Variants in MOB3B observed in about 807,000 individuals in gnomAD.
MOB3B encodes MOB kinase activator 3B.
Under a neutral mutation model 18.7 loss-of-function variants are expected in MOB3B, and 7 were observed. That is an observed-to-expected ratio of 0.37 (90% confidence interval 0.21 to 0.70). MOB3B has a LOEUF of 0.70. MOB3B is among the 30% of genes least tolerant of loss of function. The probability of loss-of-function intolerance (pLI) is 0.52; values close to 1 mark genes in which losing one functional copy is unlikely to be tolerated. For missense variants in MOB3B, 253 were observed against 281.3 expected (o/e 0.90, Z 0.72); for synonymous variants, 111 against 99.9 (o/e 1.11, Z -0.66).
intron 1 of MOB3B, among the ~76,000 whole-genome samples, chr9:27,471,524 T>G (rs1295693598): frequency 6.6e-6 from 1 of 152,122 alleles, no homozygotes. Flanking sequence ...CGATTTTGAC[T>G]CCCAAATCTA....
At chr9:27,385,004 G>A (rs1110264) in intron 2 of MOB3B, among the ~76,000 whole-genome samples, 47,078 of 152,020 alleles carry the variant, frequency 0.31, 8,413 homozygotes, top group East Asian at 0.79. Context: ...ATGAACATTT[G>A]GGGACAACTA....
At chr9:27,433,138 T>C (rs1002561934) in intron 2 of MOB3B, among the ~76,000 whole-genome samples, 1 of 152,174 alleles carries the variant, frequency 6.6e-6, no homozygotes, top group Non-Finnish European at 1.5e-5. Context: ...ATATTTGATA[T>C]AAATTTAGTA....
At chr9:27,433,115 A>T (rs1316133395) in intron 2 of MOB3B, among the ~76,000 whole-genome samples, 1 of 152,070 alleles carries the variant, frequency 6.6e-6, no homozygotes, top group Non-Finnish European at 1.5e-5. Context: ...TTTTTATTCA[A>T]ATATGAAGAT....
At chr9:27,453,832 T>C (rs898166642) in intron 2 of MOB3B, among the ~76,000 whole-genome samples, 25 of 152,298 alleles carry the variant, frequency 1.6e-4, no homozygotes, top group African/African-American at 4.8e-4. Flanking sequence ...AAAAGTAGCC[T>C]ATGACAGTCA....
chr9:27,362,087 C>G (rs1165508340), intron 2 of MOB3B, among the ~76,000 whole-genome samples: 1 of 152,214 alleles, frequency 6.6e-6, no homozygotes, highest in Non-Finnish European at 1.5e-5. Flanking sequence ...TCTGTTCCCC[C>G]CATCTCTGCC....
At chr9:27,417,283 G>A (rs536880163) in intron 2 of MOB3B, among the ~76,000 whole-genome samples, 6 of 152,342 alleles carry the variant, frequency 3.9e-5, no homozygotes, top group Admixed American at 6.5e-5. Flanking sequence ...AGAATGGTGT[G>A]AACCTGGGAG....
rs539694787 is a variant in MOB3B, at chr9:27,509,639, A to G, written c.-199+19916T>C. On this transcript the variant is annotated intron_variant, in intron 1 of 3. Coordinates refer to ENST00000262244, the MANE Select transcript of MOB3B (RefSeq NM_024761.5). Reference sequence around the variant, plus strand: ...ACCATGTTGTCCAGGTTGGTCTCGAACTCCTGACCTCAAGTGCTCCACCTG... The same window carrying G: ...ACCATGTTGTCCAGGTTGGTCTCGAGCTCCTGACCTCAAGTGCTCCACCTG... Among the ~76,000 whole-genome samples the G allele has an allele frequency of 2.0e-5, 3 of 151,426 alleles. No individual in the cohort carries two copies. In the East Asian group the frequency reaches 5.8e-4, roughly 29 times the overall value.
At chr9:27,504,105 T>C (rs779276052) in intron 1 of MOB3B, among the ~76,000 whole-genome samples, 8 of 152,226 alleles carry the variant, frequency 5.3e-5, no homozygotes, top group Non-Finnish European at 8.8e-5. Flanking sequence ...AAAGTACAAA[T>C]AGTGCTTCAT....
intron 2 of MOB3B, among the ~76,000 whole-genome samples, chr9:27,416,891 G>A (rs1822158693): frequency 1.3e-5 from 2 of 152,054 alleles, no homozygotes; most frequent in Admixed American, 1.3e-4. Context: ...ACCACTCCAC[G>A]TCTGTAAATG....
At chr9:27,488,837 A>G (rs1474979232) in intron 1 of MOB3B, among the ~76,000 whole-genome samples, 1 of 152,228 alleles carries the variant, frequency 6.6e-6, no homozygotes, top group Non-Finnish European at 1.5e-5. Context: ...TGCAGCTTAC[A>G]TAACGTACAC....
At chr9:27,392,653 C>A (rs921411266) in intron 2 of MOB3B, among the ~76,000 whole-genome samples, 1 of 152,308 alleles carries the variant, frequency 6.6e-6, no homozygotes, top group East Asian at 1.9e-4. Flanking sequence ...GATGTCCTGT[C>A]CTATTCATTT....
chr9:27,359,530 G>C (rs2131356756), intron 2 of MOB3B, among the ~76,000 whole-genome samples: 1 of 152,276 alleles, frequency 6.6e-6, no homozygotes, highest in South Asian at 2.1e-4. Context: ...CAGAAATTTA[G>C]AGTTATACTT....
chr9:27,440,379 CT>C (rs11310943), intron 2 of MOB3B, among the ~76,000 whole-genome samples: 19,622 of 143,378 alleles, frequency 0.14, 1,344 homozygotes, highest in East Asian at 0.28. Context: ...ATGATTCCTT[CT>C]TTTTTTTTTT....
chr9:27,405,974 G>A (rs569202217), intron 2 of MOB3B, among the ~76,000 whole-genome samples: 16 of 152,134 alleles, frequency 1.1e-4, no homozygotes, highest in African/African-American at 3.4e-4. Context: ...GAATCATATC[G>A]AACTAGGAAA....
chr9:27,446,057 C>T (rs1193302004), intron 2 of MOB3B, among the ~76,000 whole-genome samples: 1 of 152,108 alleles, frequency 6.6e-6, no homozygotes, highest in Non-Finnish European at 1.5e-5. Flanking sequence ...TCTGTGACGA[C>T]GAATGTTTTA....
At position 27,511,336 on chromosome 9, in the gene MOB3B, G is replaced by A. The variant is rs547121336; in HGVS notation, c.-199+18219C>T. On this transcript the variant is annotated intron_variant, in intron 1 of 3. Transcript: ENST00000262244. Reference sequence around the variant, plus strand: ...TTCGGTGTGAACTTTGCCAGGTTATGTACTTTTTGCAGCCTTGGTTCTTCA... The same window carrying A: ...TTCGGTGTGAACTTTGCCAGGTTATATACTTTTTGCAGCCTTGGTTCTTCA... 3.9e-5 allele frequency among the ~76,000 whole-genome samples: 6 copies of A among 152,216 alleles called. No individual in the cohort carries two copies. The South Asian group carries it at 1.2e-3, about 32-fold the overall frequency.
At chr9:27,529,087 C>T (rs1820488533) in intron 1 of MOB3B, among the ~76,000 whole-genome samples, 1 of 152,208 alleles carries the variant, frequency 6.6e-6, no homozygotes. Context: ...CAAGCCGAGA[C>T]TCCTCCCTCA....
At chr9:27,392,209 T>C (rs892397338) in intron 2 of MOB3B, among the ~76,000 whole-genome samples, 2 of 152,204 alleles carry the variant, frequency 1.3e-5, no homozygotes, top group South Asian at 4.1e-4. Context: ...TTTAGAACCA[T>C]TTTTTGGTGG....
intron 3 of MOB3B, among the ~76,000 whole-genome samples, chr9:27,352,539 T>C (rs1005978107): frequency 1.3e-5 from 2 of 152,202 alleles, no homozygotes; most frequent in African/African-American, 4.8e-5. Context: ...GTCTGTCATA[T>C]GATGATGTGG....
Sources: allele counts gnomAD v4.1 joint callset (sites outside exome capture counted in the v4.1 genomes callset), GRCh38; gene constraint gnomAD v4.1.1; transcripts MANE v1.5; gene names NCBI Gene and HGNC (gene_info 2026-07-23, HGNC 2026-07-21).